The following VASP variants were observed in gnomAD, a reference collection of about 807,000 sequenced individuals.
VASP encodes vasodilator stimulated phosphoprotein, also known as vasodilator-stimulated phosphoprotein.
Under a neutral mutation model 54.4 loss-of-function variants are expected in VASP, and 27 were observed. That is an observed-to-expected ratio of 0.50 (90% confidence interval 0.37 to 0.68). VASP has a LOEUF of 0.68. VASP is among the 30% of genes least tolerant of loss of function. The probability of loss-of-function intolerance (pLI) is 0.00; values close to 1 mark genes in which losing one functional copy is unlikely to be tolerated. For synonymous variants in VASP, 233 were observed against 209.8 expected (o/e 1.11, Z -0.96); for missense variants, 488 against 528.3 (o/e 0.92, Z 0.75).
chr19:45,512,083 G>A (rs1968609800), intron 1 of VASP, among the ~76,000 whole-genome samples: 1 of 152,094 alleles, frequency 6.6e-6, no homozygotes, highest in South Asian at 2.1e-4. Flanking sequence ...CTGGGAGGTG[G>A]AGGCTGCAGT....
intron 8 of VASP, 22 bp downstream of exon 8, chr19:45,523,717 C>A: frequency 6.2e-7 from 1 of 1,614,020 alleles, no homozygotes; most frequent in Non-Finnish European, 8.5e-7. Flanking sequence ...ACTCTTCTTG[C>A]CCTACATCTC....
Position 45,517,997 on chromosome 19 carries a change from G to GC in VASP, c.247dup (p.Arg83ProfsTer172). On this transcript the variant is annotated frameshift_variant, in exon 3 of 13. Coordinates refer to ENST00000245932, the MANE Select transcript of VASP (RefSeq NM_003370.4). LOFTEE classifies it high-confidence loss of function. ...AGGCCACCCCCAACTTCCATCAGTG[G>GC]CGCGACGCTCGCCAGGTCTGGGGCC... The GC allele has an allele frequency of 6.2e-7, 1 of 1,614,028 alleles. No homozygotes were observed. The highest frequency in any genetic ancestry group is 8.5e-7 in the Non-Finnish European group (1 of 1,179,988).
intron 4 of VASP, 37 bp from the exon 5 acceptor site, chr19:45,522,131 C>A (rs781625846): frequency 1.6e-5 from 26 of 1,612,490 alleles, no homozygotes; most frequent in Non-Finnish European, 2.1e-5. Context: ...ATCCTTAGGG[C>A]CCTGATTGAC....
At position 45,517,753 on chromosome 19, in the gene VASP, C is replaced by T. The variant is rs777159219; in HGVS notation, c.96C>T (p.Ala32=). 3.7e-6 allele frequency: 6 copies of T among 1,613,602 alleles called. No individual in the cohort carries two copies. The South Asian group carries it at 6.6e-5, about 18-fold the overall frequency. The change falls in exon 2 of 13, where the codon GCC becomes GCT. Residue 32 remains alanine, a synonymous_variant. Transcript: ENST00000245932. ...RWLPAGTGPQ[A]FSRVQIYHNP... is the part of the protein sequence containing the mutation. ...TCCCTGCTGGCACGGGTCCCCAGGC[C>T]TTCAGCCGCGTCCAGATCTACCACA...
chr19:45,522,849 T>A (rs1372436030), intron 7 of VASP, 31 bp downstream of exon 7: 2 of 1,590,352 alleles, frequency 1.3e-6, no homozygotes, highest in Non-Finnish European at 1.7e-6. Flanking sequence ...CCAAGTCACC[T>A]GGAGTTCCAG....
chr19:45,526,350 A>G lies in VASP; in HGVS notation c.*173A>G, dbSNP rs761023856. On this transcript the variant is annotated 3_prime_UTR_variant, in exon 13 of 13. Transcript: ENST00000245932. ...GGGTGTGGCTTCCCTGCTCACACCC[A>G]CACTGGCTGCTGATTGGCTGGGGAG... 1.1e-4 allele frequency: 78 copies of G among 732,466 alleles called. No individual in the cohort carries two copies. Among genetic ancestry groups the G allele is most frequent in the Middle Eastern group, 3.9e-4 (1 of 2,540 alleles). 45.4% of individuals were successfully genotyped at this position (732,466 alleles called of 1,614,324 possible). A position where few individuals can be genotyped will look rare whatever the true frequency, so the allele number is the denominator to read the frequency against.
intron 3 of VASP, among the ~76,000 whole-genome samples, chr19:45,520,963 C>G (rs975803199): frequency 6.6e-6 from 1 of 152,034 alleles, no homozygotes; most frequent in Non-Finnish European, 1.5e-5. Context: ...GACTCTGTCT[C>G]GAAACAAACC....
At chr19:45,509,922 T>C (rs1385464152) in intron 1 of VASP, among the ~76,000 whole-genome samples, 1 of 152,104 alleles carries the variant, frequency 6.6e-6, no homozygotes, top group Non-Finnish European at 1.5e-5. Flanking sequence ...CTGGGGGCAG[T>C]TGGAAGAGAG....
Position 45,521,329 on chromosome 19 carries a change from G to T in VASP, c.351G>T (p.Gly117=). The T allele has an allele frequency of 1.3e-6, 2 of 1,575,760 alleles. No homozygotes were observed. The change falls in exon 4 of 13, where the codon GGG becomes GGT. Residue 117 remains glycine (G), a synonymous_variant. Transcript: ENST00000245932. The stretch of plus-strand genomic sequence containing the variant: ...TTCTCTCTCACCTTTCAGGAGGTGG[G>T]CCCCCTCCACCCCCAGCACTTCCCA... ...ASALEALEGG[G]PPPPPALPTW...
rs1427888865 is a variant in VASP, at chr19:45,508,034, G to A, written c.5+258G>A. On this transcript the variant is annotated intron_variant, in intron 1 of 12. Coordinates refer to ENST00000245932, the MANE Select transcript of VASP (RefSeq NM_003370.4). Reference sequence around the variant, plus strand: ...ATTTGGGGGCGCTCGGAGGACTCCCGAATTGTTAAGACTTTTTTTAGAGGA... The same window carrying A: ...ATTTGGGGGCGCTCGGAGGACTCCCAAATTGTTAAGACTTTTTTTAGAGGA... Among the ~76,000 whole-genome samples, 5 of 151,810 alleles carry A rather than the reference G, an allele frequency of 3.3e-5. No individual in the cohort carries two copies. The East Asian group carries it at 9.7e-4, about 29-fold the overall frequency.
chr19:45,521,222 C>A (rs1031400431), intron 3 of VASP, 100 bp from the exon 4 acceptor site: 3 of 1,236,968 alleles, frequency 2.4e-6, no homozygotes, highest in Non-Finnish European at 2.3e-6. Flanking sequence ...GTGAGCGCCT[C>A]TGGGCAGGAT....
rs1345723040 is a variant in VASP at position 45,523,993 on chromosome 19, C to A, written c.911-104C>A. 53 of 1,609,888 alleles carry A rather than the reference C, an allele frequency of 3.3e-5. No individual in the cohort carries two copies. The East Asian group carries it at 1.1e-3, about 33-fold the overall frequency. On this transcript the variant is annotated intron_variant, in intron 9 of 12. Transcript: ENST00000245932. The stretch of plus-strand genomic sequence containing the variant: ...CGAATGGTGCTGGGGATTGTAGTCT[C>A]CTGAGATGGGGCTTTGATCAGGGGC...
Position 45,507,756 on chromosome 19 carries a change from C to G in VASP, c.-16C>G, listed in dbSNP as rs1252593456. The G allele has an allele frequency of 1.3e-6, 2 of 1,510,498 alleles. No individual in the cohort carries two copies. The highest frequency in any genetic ancestry group is 1.8e-6 in the Non-Finnish European group (2 of 1,136,610). 93.6% of individuals were successfully genotyped at this position (1,510,498 alleles called of 1,614,324 possible). On this transcript the variant is annotated 5_prime_UTR_variant, in exon 1 of 13. Coordinates refer to ENST00000245932, the MANE Select transcript of VASP (RefSeq NM_003370.4). The surrounding 1 kb of genome is among the most constrained non-coding windows in gnomAD (Gnocchi z 4.4). ...GCAGCCAGCCCGTGGGCGAGCCGCC[C>G]GCCCGCCGAGCAGCCATGAGGTGAG...
intron 1 of VASP, among the ~76,000 whole-genome samples, chr19:45,512,437 G>A (rs529084683): frequency 1.3e-5 from 2 of 151,452 alleles, no homozygotes; most frequent in South Asian, 2.1e-4. Flanking sequence ...ACAGGCACGC[G>A]CCACCACGCC....
Position 45,526,561 on chromosome 19 carries a change from A to AAT in VASP, c.*395_*396dup, listed in dbSNP as rs201899016. 3.3e-4 allele frequency: 52 copies of AAT among 159,522 alleles called. No homozygotes were observed. Among genetic ancestry groups the AAT allele is most frequent in the African/African-American group, 1.1e-3 (48 of 41,774 alleles). The allele number at this position is 159,522 out of a possible 1,614,324, so 9.9% of individuals were successfully genotyped here. ...AGTTTTGGTTTTTTTAAGAAAAAAA[A>AAT]ATATATATATATTTGGGTTTTGGGG... On this transcript the variant is annotated 3_prime_UTR_variant, in exon 13 of 13. Coordinates refer to ENST00000245932, the MANE Select transcript of VASP (RefSeq NM_003370.4).
In VASP at chr19:45,523,559, G is replaced by A. The variant is rs144986167; in HGVS notation, c.822-85G>A. On this transcript the variant is annotated intron_variant, in intron 7 of 12. Transcript: ENST00000245932. ...TTTTCGGAGTTCCAGAATTCTATGC[G>A]CTAGGATCTACATTTCTAGAACTCC... 511 of 1,483,498 alleles carry A rather than the reference G, an allele frequency of 3.4e-4. No individual in the cohort carries two copies. The African/African-American group carries it at 6.0e-3, about 18-fold the overall frequency. The allele number at this position is 1,483,498 out of a possible 1,614,324, so 91.9% of individuals were successfully genotyped here.
At chr19:45,525,449 A>G (rs1285955723) in intron 11 of VASP, among the ~76,000 whole-genome samples, 1 of 152,208 alleles carries the variant, frequency 6.6e-6, no homozygotes, top group African/African-American at 2.4e-5. Context: ...CCATAATCCC[A>G]GCAGTTTGGA....
intron 3 of VASP, among the ~76,000 whole-genome samples, chr19:45,520,416 A>C (rs999383903): frequency 1.3e-5 from 2 of 152,200 alleles, no homozygotes; most frequent in African/African-American, 4.8e-5. Context: ...TAGAACTGAA[A>C]GTCACCAAAT....
Position 45,525,930 on chromosome 19 carries a change from A to AC in VASP, c.1048-12dup, listed in dbSNP as rs1300127730. On this transcript the variant is annotated splice_polypyrimidine_tract_variant and intron_variant, in intron 11 of 12. Coordinates refer to ENST00000245932, the MANE Select transcript of VASP (RefSeq NM_003370.4). The stretch of plus-strand genomic sequence containing the variant: ...CCGGTACCCCCTCCTGATTAGTTTT[A>AC]CCCCATTAATTTTAGGAGCTTCTGG... 5.6e-6 allele frequency: 9 copies of AC among 1,611,758 alleles called. No homozygotes were observed. Among genetic ancestry groups the AC allele is most frequent in the Non-Finnish European group, 7.6e-6 (9 of 1,179,346 alleles).
Sources: allele counts gnomAD v4.1 joint callset (sites outside exome capture counted in the v4.1 genomes callset), GRCh38; gene constraint gnomAD v4.1.1; non-coding constraint Gnocchi (gnomAD v3.1); transcripts MANE v1.5; gene names NCBI Gene and HGNC (gene_info 2026-07-23, HGNC 2026-07-21).